Variants in TUB observed in about 807,000 individuals in gnomAD.
TUB encodes the protein TUB bipartite transcription factor.
Under a neutral mutation model 59.7 loss-of-function variants are expected in TUB, and 33 were observed. The observed-to-expected ratio is 0.55, with a 90% CI of 0.42 to 0.74. The LOEUF is 0.74. Ranked by LOEUF, TUB falls within the 30% of genes least tolerant of loss-of-function variation. The pLI, the probability that TUB is intolerant of heterozygous loss-of-function variation, is 0.00. For synonymous variants in TUB, 293 were observed against 256.4 expected (o/e 1.14, Z -1.36); for missense variants, 659 against 672.0 (o/e 0.98, Z 0.21).
At chr11:8,051,052 G>A (rs1021567095) in intron 2 of TUB, among the ~76,000 whole-genome samples, 1 of 152,156 alleles carries the variant, frequency 6.6e-6, no homozygotes, top group Admixed American at 6.5e-5. Flanking sequence ...CCCGGGGAGT[G>A]GAGTAGTGAG....
At chr11:8,077,094 A>G (rs1943462989), upstream of TUB, 1 of 152,198 alleles carries the variant, frequency 6.6e-6, no homozygotes, top group Non-Finnish European at 1.5e-5. Flanking sequence ...GGGCTGGCTC[A>G]TCTTTGTCCT....
intron 1 of TUB, chr11:8,039,430 A>ACGGCCTGC (rs1554921847): frequency 4.5e-6 from 2 of 441,282 alleles, no homozygotes; most frequent in Non-Finnish European, 7.8e-6. Context: ...CCTCATCTGG[A>ACGGCCTGC]CTGCCTGCCT....
chr11:8,072,214 C>T (rs145614706), intron 2 of TUB, among the ~76,000 whole-genome samples: 2 of 152,276 alleles, frequency 1.3e-5, no homozygotes, highest in Admixed American at 6.5e-5. Flanking sequence ...CACCCCTGGG[C>T]GTGATCTCAC....
intron 2 of TUB, among the ~76,000 whole-genome samples, chr11:8,044,907 G>T (rs537544937): frequency 1.5e-4 from 23 of 152,182 alleles, no homozygotes; most frequent in Admixed American, 2.6e-4. Context: ...CTAGGGCAAG[G>T]TATGCAATGG....
chr11:8,099,981 A>G, intron 9 of TUB, among the ~76,000 whole-genome samples: 1 of 152,180 alleles, frequency 6.6e-6, no homozygotes. Context: ...CTGGAGAGCC[A>G]CTGGAGAGTT....
chr11:8,047,779 G>A (rs1377680863), intron 2 of TUB, among the ~76,000 whole-genome samples: 3 of 152,170 alleles, frequency 2.0e-5, no homozygotes, highest in Non-Finnish European at 4.4e-5. Flanking sequence ...CCTTGGGGTG[G>A]CTGGGCCATC....
At chr11:8,079,858 G>C (rs1240783525), upstream of TUB, among the ~76,000 whole-genome samples, 2 of 152,138 alleles carry the variant, frequency 1.3e-5, no homozygotes, top group African/African-American at 4.8e-5. Flanking sequence ...CCTTCTCTGT[G>C]ACTCAGTTCC....
intron 2 of TUB, among the ~76,000 whole-genome samples, chr11:8,046,163 G>A (rs1942828936): frequency 6.6e-6 from 1 of 152,090 alleles, no homozygotes; most frequent in African/African-American, 2.4e-5. Flanking sequence ...ACCCTTTCCA[G>A]GGAATAATCA....
intron 2 of TUB, among the ~76,000 whole-genome samples, chr11:8,039,877 G>C (rs1008494408): frequency 6.6e-6 from 1 of 152,184 alleles, no homozygotes; most frequent in Admixed American, 6.5e-5. Flanking sequence ...CTCTTATTGT[G>C]TGTGACTATT....
At chr11:8,029,846 A>G (rs1430972178) in intron 1 of TUB, among the ~76,000 whole-genome samples, 2 of 152,194 alleles carry the variant, frequency 1.3e-5, no homozygotes, top group Non-Finnish European at 2.9e-5. Flanking sequence ...GTTGCTGGCC[A>G]GAGGAGTCGG....
chr11:8,031,873 C>T (rs868822817), intron 1 of TUB, among the ~76,000 whole-genome samples: 4 of 152,192 alleles, frequency 2.6e-5, no homozygotes, highest in South Asian at 2.1e-4. Flanking sequence ...CCCTGGGTCC[C>T]GGTGCAGGGT....
chr11:8,020,015 T>G (rs1942399144), intron 1 of TUB, among the ~76,000 whole-genome samples: 1 of 152,216 alleles, frequency 6.6e-6, no homozygotes, highest in Admixed American at 6.5e-5. Flanking sequence ...GCACTCGTCC[T>G]GGAGGAAGGA....
Position 8,099,043 on chromosome 11 carries a change from C to T in TUB, c.1116+168C>T, listed in dbSNP as rs1472039509. On this transcript the variant is annotated intron_variant, in intron 9 of 11. Coordinates refer to ENST00000299506, the MANE Select transcript of TUB (RefSeq NM_177972.3). ...GGCCTAGGACAGGGGCTCTGGCTCT[C>T]TCCTCCTGACTTCAGAGCTCACACC... is the stretch of plus-strand genomic sequence containing the variant. Among the ~76,000 whole-genome samples the T allele has an allele frequency of 3.3e-5, 5 of 152,086 alleles. No homozygotes were observed. In the East Asian group the frequency reaches 7.7e-4, roughly 24 times the overall value.
At chr11:8,039,266 C>T (rs761620440) in intron 1 of TUB, among the ~76,000 whole-genome samples, 8 of 152,152 alleles carry the variant, frequency 5.3e-5, no homozygotes, top group Non-Finnish European at 1.2e-4. Context: ...AGGGAGGTCC[C>T]CCACCATGGG....
rs1162148874 is a variant in TUB at position 8,024,065 on chromosome 11, A to G, written c.56+4707A>G. ...AATTGCCAGCTCTCTGACCTCAGGC[A>G]TGTTCCTTATACATTACTCCTGCCA... On this transcript the variant is annotated intron_variant, in intron 1 of 11. Coordinates refer to the TUB transcript ENST00000534099. Among the ~76,000 whole-genome samples the G allele has an allele frequency of 3.3e-5, 5 of 152,354 alleles. No homozygotes were observed. In the East Asian group the frequency reaches 7.7e-4, roughly 24 times the overall value.
chr11:8,076,924 C>CT (rs1943460130), upstream of TUB: 1 of 152,110 alleles, frequency 6.6e-6, no homozygotes, highest in Non-Finnish European at 1.5e-5. Flanking sequence ...CATTGTAAGC[C>CT]TATTTATCTC....
At chr11:8,099,721 GAA>G (rs2133897914) in intron 9 of TUB, among the ~76,000 whole-genome samples, 1 of 152,328 alleles carries the variant, frequency 6.6e-6, no homozygotes, top group South Asian at 2.1e-4. Flanking sequence ...GGGGAGATAA[GAA>G]ATGTCAAGGT....
intron 2 of TUB, among the ~76,000 whole-genome samples, chr11:8,043,954 G>T (rs1460530463): frequency 6.6e-6 from 1 of 151,982 alleles, no homozygotes; most frequent in East Asian, 1.9e-4. Context: ...GAATACATTT[G>T]TCTAGAATGA....
upstream of TUB, among the ~76,000 whole-genome samples, chr11:8,037,986 T>C (rs559345446): frequency 6.6e-6 from 1 of 152,148 alleles, no homozygotes; most frequent in Non-Finnish European, 1.5e-5. Context: ...GTGCATAGAA[T>C]TGAGAGATGC....
Sources: gnomAD v4.1 joint callset for allele counts (sites outside exome capture counted in the v4.1 genomes callset) on GRCh38, gnomAD v4.1.1 for gene constraint, MANE v1.5 for transcripts, NCBI Gene and HGNC (gene_info 2026-07-23, HGNC 2026-07-21) for gene names.